SLC16A12: variants seen among roughly 807,000 people sequenced by gnomAD.
SLC16A12 encodes solute carrier family 16 member 12.
A neutral mutation model predicts 42.4 loss-of-function variants in SLC16A12; 17 were observed. The ratio of observed to expected loss-of-function variants is 0.40; its 90% confidence interval spans 0.27 to 0.60. The LOEUF (loss-of-function observed/expected upper bound fraction) is 0.60. Among genes scored for constraint, SLC16A12 ranks in the 20% least tolerant of loss-of-function variants. SLC16A12 has a pLI of 0.42. For missense variants in SLC16A12, 544 were observed against 623.0 expected (o/e 0.87, Z 1.35); for synonymous variants, 224 against 229.4 (o/e 0.98, Z 0.21).
intron 3 of SLC16A12, among the ~76,000 whole-genome samples, chr10:89,447,208 G>T (rs985949502): frequency 6.6e-6 from 1 of 152,060 alleles, no homozygotes; most frequent in African/African-American, 2.4e-5. Context: ...CGAGACAGAA[G>T]GTTAACAAGG....
intron 7 of SLC16A12, among the ~76,000 whole-genome samples, chr10:89,434,151 A>ACAAAAT (rs1313597982): frequency 6.6e-6 from 1 of 152,226 alleles, no homozygotes; most frequent in Non-Finnish European, 1.5e-5. Flanking sequence ...TATAAGCCCC[A>ACAAAAT]CAAAATTTCC....
At chr10:89,487,540 C>T (rs1454782849) in intron 2 of SLC16A12, among the ~76,000 whole-genome samples, 2 of 151,844 alleles carry the variant, frequency 1.3e-5, no homozygotes, top group Non-Finnish European at 2.9e-5. Context: ...GTGGCTCACA[C>T]CTGTAATCCC....
In SLC16A12 at chr10:89,473,524, G is replaced by C. The variant is rs181281997; in HGVS notation, c.-46-10900C>G. On this transcript the variant is annotated intron_variant, in intron 2 of 7. Coordinates refer to ENST00000371790, the MANE Select transcript of SLC16A12 (RefSeq NM_213606.4). The stretch of plus-strand genomic sequence containing the variant: ...CAAAGGTTTTTTAGAGAGGACAAAA[G>C]CAGCAAAATAAACTCCCCACTCTTG... Among the ~76,000 whole-genome samples the C allele has an allele frequency of 1.7e-4, 26 of 152,272 alleles. No individual in the cohort carries two copies. The East Asian group carries it at 5.0e-3, about 29-fold the overall frequency.
chr10:89,498,520 T>C (rs184448256), intron 2 of SLC16A12, among the ~76,000 whole-genome samples: 1 of 152,216 alleles, frequency 6.6e-6, no homozygotes, highest in East Asian at 1.9e-4. Flanking sequence ...GTATGTAAAA[T>C]ATTTACAAAA....
rs560955917 is a variant in SLC16A12 at position 89,471,143 on chromosome 10, T to C, written c.-46-8519A>G. Among the ~76,000 whole-genome samples the C allele has an allele frequency of 1.2e-4, 19 of 152,352 alleles. No individual in the cohort carries two copies. In the East Asian group the frequency reaches 3.3e-3, roughly 26 times the overall value. On this transcript the variant is annotated intron_variant, in intron 2 of 7. Transcript: ENST00000371790. ...TACATACAATAAAACATGCCCATTTTAAGCCTACATTTCAGAGTTTTGACA... is the reference window on the plus strand; with the variant it reads ...TACATACAATAAAACATGCCCATTTCAAGCCTACATTTCAGAGTTTTGACA...
intron 2 of SLC16A12, among the ~76,000 whole-genome samples, chr10:89,494,064 C>A (rs1043498391): frequency 6.6e-6 from 1 of 152,182 alleles, no homozygotes; most frequent in African/African-American, 2.4e-5. Flanking sequence ...CGCTATATTT[C>A]TTCTTGAAGA....
intron 6 of SLC16A12, among the ~76,000 whole-genome samples, chr10:89,437,914 G>T (rs191758346): frequency 3.3e-5 from 5 of 152,320 alleles, no homozygotes; most frequent in African/African-American, 1.2e-4. Context: ...GAAATTACTT[G>T]CAATTTGCAT....
At position 89,462,517 on chromosome 10, in the gene SLC16A12, T is replaced by G; in HGVS notation, c.62A>C (p.Gln21Pro). ...TTTTCTTTTTTCTTCTTTTCCAGGT[T>G]GCTCCAACAGCCAAGTTATGATCTT... ...SSKIITWLLE[Q>P]PGKEEKRKTM... is the part of the protein sequence containing the mutation. The change falls in exon 3 of 8, where the codon CAA (glutamine) becomes CCA (proline). Residue 21 changes from glutamine to proline, a missense_variant. Transcript: ENST00000371790. 6.2e-7 allele frequency: 1 copy of G among 1,613,738 alleles called. No homozygotes were observed. The highest frequency in any genetic ancestry group is 8.5e-7 in the Non-Finnish European group (1 of 1,179,924).
At chr10:89,464,566 GACAA>G (rs1842361012) in intron 2 of SLC16A12, among the ~76,000 whole-genome samples, 1 of 152,164 alleles carries the variant, frequency 6.6e-6, no homozygotes, top group African/African-American at 2.4e-5. Flanking sequence ...TTTCAACTAT[GACAA>G]TGTGTGGATT....
rs114087451 is a variant in SLC16A12, at chr10:89,532,880, T to A, written c.-47+1621A>T. ...GACAAAATAACAACAGAACACCATCTTCATAAATAAATAAAAAGCAACATC... is the reference window on the plus strand; with the variant it reads ...GACAAAATAACAACAGAACACCATCATCATAAATAAATAAAAAGCAACATC... On this transcript the variant is annotated intron_variant, in intron 2 of 7. Transcript: ENST00000371790. Among the ~76,000 whole-genome samples, 1,478 of 152,302 alleles carry A rather than the reference T, an allele frequency of 9.7e-3. 15 individuals carry two copies. Among genetic ancestry groups the A allele is most frequent in the African/African-American group, 0.034 (1,404 of 41,560 alleles).
In SLC16A12 at chr10:89,461,915, T is replaced by C. The variant is rs539240814; in HGVS notation, c.200+464A>G. ...TCACATGTGATGAGTTTTAAGTATT[T>C]CATATTACTGAAGAGTGGAAGATGA... On this transcript the variant is annotated intron_variant, in intron 3 of 7. Coordinates refer to ENST00000371790, the MANE Select transcript of SLC16A12 (RefSeq NM_213606.4). Among the ~76,000 whole-genome samples the C allele has an allele frequency of 2.2e-3, 330 of 152,336 alleles. 2 individuals are homozygous for C. Among genetic ancestry groups the C allele is most frequent in the African/African-American group, 7.3e-3 (305 of 41,586 alleles).
chr10:89,446,359 A>C (rs1842001689), intron 3 of SLC16A12, among the ~76,000 whole-genome samples: 1 of 152,234 alleles, frequency 6.6e-6, no homozygotes, highest in Admixed American at 6.5e-5. Flanking sequence ...GTCAGAGAGA[A>C]AGGTCGGGTT....
At chr10:89,530,567 A>C (rs559094123) in intron 2 of SLC16A12, among the ~76,000 whole-genome samples, 1 of 151,764 alleles carries the variant, frequency 6.6e-6, no homozygotes, top group Non-Finnish European at 1.5e-5. Context: ...ACAGGCGCCT[A>C]CCACCACGCC....
At chr10:89,484,245 T>C (rs560945888) in intron 2 of SLC16A12, among the ~76,000 whole-genome samples, 1 of 152,352 alleles carries the variant, frequency 6.6e-6, no homozygotes, top group South Asian at 2.1e-4. Flanking sequence ...TCCCAGATAT[T>C]GACAGTGTAA....
chr10:89,436,364 T>C (rs374933104), intron 6 of SLC16A12, 45 bp from the exon 7 acceptor site: 1 of 1,612,564 alleles, frequency 6.2e-7, no homozygotes, highest in African/African-American at 1.3e-5. Context: ...GTACACATTC[T>C]GTAAAAGAGC....
intron 7 of SLC16A12, 67 bp downstream of exon 7, chr10:89,435,993 G>A (rs1326209022): frequency 6.2e-7 from 1 of 1,601,438 alleles, no homozygotes. Context: ...ACTGCATGTG[G>A]GTTTGCTGTT....
At chr10:89,435,909 T>C in intron 7 of SLC16A12, 151 bp downstream of exon 7, 2 of 1,091,886 alleles carry the variant, frequency 1.8e-6, no homozygotes, top group Admixed American at 2.2e-5. Context: ...GGTGGGACCA[T>C]GATGGTTTTG....
chr10:89,437,685 G>A (rs1325653615), intron 6 of SLC16A12, among the ~76,000 whole-genome samples: 2 of 152,120 alleles, frequency 1.3e-5, no homozygotes, highest in African/African-American at 4.8e-5. Flanking sequence ...TCATAACACT[G>A]GAGAATGGCA....
rs79912305 is a variant in SLC16A12, at chr10:89,489,123, T to C, written c.-46-26499A>G. Among the ~76,000 whole-genome samples, 573 of 152,326 alleles carry C rather than the reference T, an allele frequency of 3.8e-3. 4 individuals are homozygous for C. Among genetic ancestry groups the C allele is most frequent in the Admixed American group, 0.019 (289 of 15,304 alleles). On this transcript the variant is annotated intron_variant, in intron 2 of 7. Transcript: ENST00000371790. ...TTATTGTTTTCACGGCTCAATCATT[T>C]AAATAAGAAAACCAAGCTCACCATT...
Sources: gnomAD v4.1 joint callset for allele counts (sites outside exome capture counted in the v4.1 genomes callset) on GRCh38, gnomAD v4.1.1 for gene constraint, MANE v1.5 for transcripts, NCBI Gene and HGNC (gene_info 2026-07-23, HGNC 2026-07-21) for gene names.